The following DOK6 variants were observed in gnomAD, a reference collection of about 807,000 sequenced individuals.
DOK6 encodes docking protein 6.
In DOK6, 22 loss-of-function variants were observed where a neutral mutation model predicts 44.0. The ratio of observed to expected loss-of-function variants is 0.50; its 90% CI spans 0.36 to 0.71. DOK6 has a LOEUF of 0.71. Ranked by LOEUF, DOK6 falls within the 30% of genes least tolerant of loss-of-function variation. DOK6 has a pLI of 0.00. For synonymous variants in DOK6, 166 were observed against 145.5 expected (o/e 1.14, Z -1.01); for missense variants, 340 against 416.4 (o/e 0.82, Z 1.60).
chr18:69,461,108 AG>A (rs776026252), intron 1 of DOK6, among the ~76,000 whole-genome samples: 3 of 152,220 alleles, frequency 2.0e-5, no homozygotes, highest in East Asian at 1.9e-4. Context: ...TTTTAATAGT[AG>A]TAGTGGTATT....
At chr18:69,620,677 A>G (rs1025638244) in intron 3 of DOK6, among the ~76,000 whole-genome samples, 3 of 152,218 alleles carry the variant, frequency 2.0e-5, no homozygotes, top group African/African-American at 7.2e-5. Context: ...TTTGATAAAC[A>G]ATAGTTAATA....
intron 7 of DOK6, among the ~76,000 whole-genome samples, chr18:69,835,357 G>T (rs1025849909): frequency 6.6e-6 from 1 of 152,098 alleles, no homozygotes; most frequent in Non-Finnish European, 1.5e-5. Context: ...CCCAGCTACT[G>T]GGGAGGCTGA....
At chr18:69,419,265 A>G (rs915488052) in intron 1 of DOK6, among the ~76,000 whole-genome samples, 21 of 152,164 alleles carry the variant, frequency 1.4e-4, no homozygotes, top group African/African-American at 5.1e-4. Flanking sequence ...CTGCATTCCC[A>G]TCCAAAACGC....
intron 3 of DOK6, among the ~76,000 whole-genome samples, chr18:69,669,455 A>G (rs1985741001): frequency 6.6e-6 from 1 of 152,248 alleles, no homozygotes; most frequent in South Asian, 2.1e-4. Context: ...ATGGCTGCGC[A>G]GTATTTCATG....
At chr18:69,689,137 G>C (rs1986212662) in intron 4 of DOK6, among the ~76,000 whole-genome samples, 1 of 152,186 alleles carries the variant, frequency 6.6e-6, no homozygotes, top group Non-Finnish European at 1.5e-5. Context: ...ACCTTGTAGA[G>C]AATAAGCAAA....
intron 1 of DOK6, among the ~76,000 whole-genome samples, chr18:69,468,238 A>G (rs1347045748): frequency 6.6e-6 from 1 of 152,194 alleles, no homozygotes; most frequent in Non-Finnish European, 1.5e-5. Context: ...CAGGAAACAA[A>G]TAATGAATAC....
At chr18:69,668,879 A>C (rs770197980) in intron 3 of DOK6, among the ~76,000 whole-genome samples, 30 of 152,326 alleles carry the variant, frequency 2.0e-4, no homozygotes, top group Non-Finnish European at 3.8e-4. Flanking sequence ...GTTTGTAATT[A>C]AAAGTACTTT....
intron 1 of DOK6, among the ~76,000 whole-genome samples, chr18:69,430,891 G>A (rs560977181): frequency 1.2e-3 from 183 of 152,182 alleles, no homozygotes; most frequent in African/African-American, 4.2e-3. Flanking sequence ...ACTTGAACCC[G>A]GGAGACGGAG....
intron 6 of DOK6, among the ~76,000 whole-genome samples, chr18:69,752,595 G>A (rs1275554626): frequency 6.6e-6 from 1 of 152,124 alleles, no homozygotes; most frequent in Non-Finnish European, 1.5e-5. Context: ...GTTCAATGAA[G>A]GAACTTTAAT....
intron 4 of DOK6, among the ~76,000 whole-genome samples, chr18:69,681,092 T>C (rs1196417262): frequency 1.3e-5 from 2 of 152,238 alleles, no homozygotes; most frequent in Non-Finnish European, 2.9e-5. Context: ...TAGTATTAAA[T>C]TATATAGCTG....
chr18:69,445,156 T>G (rs1979249392), intron 1 of DOK6, among the ~76,000 whole-genome samples: 5 of 152,208 alleles, frequency 3.3e-5, no homozygotes, highest in Admixed American at 2.6e-4. Context: ...AACTGATTTT[T>G]TGTGTGTTGA....
chr18:69,440,409 A>C (rs896262315), intron 1 of DOK6, among the ~76,000 whole-genome samples: 2 of 152,212 alleles, frequency 1.3e-5, no homozygotes, highest in Admixed American at 1.3e-4. Flanking sequence ...GTTGTCACAG[A>C]ATTTCAATCT....
chr18:69,690,298 T>C (rs1006726222), intron 4 of DOK6, among the ~76,000 whole-genome samples: 1 of 152,210 alleles, frequency 6.6e-6, no homozygotes, highest in African/African-American at 2.4e-5. Flanking sequence ...TATTGCTATT[T>C]ACACATAATA....
intron 1 of DOK6, among the ~76,000 whole-genome samples, chr18:69,446,490 T>A (rs1246042594): frequency 6.6e-6 from 1 of 152,120 alleles, no homozygotes; most frequent in East Asian, 1.9e-4. Context: ...AAGTCTTTGC[T>A]ATTGTGAGTA....
intron 3 of DOK6, among the ~76,000 whole-genome samples, chr18:69,619,324 G>A (rs1234305509): frequency 1.3e-5 from 2 of 152,206 alleles, no homozygotes; most frequent in African/African-American, 2.4e-5. Flanking sequence ...TGCCAGCAGA[G>A]CAAAATAACC....
intron 5 of DOK6, among the ~76,000 whole-genome samples, chr18:69,734,776 C>A (rs901139363): frequency 1.3e-5 from 2 of 151,730 alleles, no homozygotes; most frequent in African/African-American, 4.9e-5. Flanking sequence ...TATCTATAGA[C>A]CCACAAAAAA....
chr18:69,476,932 A>G (rs1051284535), intron 1 of DOK6, among the ~76,000 whole-genome samples: 4 of 152,210 alleles, frequency 2.6e-5, no homozygotes, highest in East Asian at 3.9e-4. Flanking sequence ...TGGAATTTAT[A>G]GATCCCACGG....
At chr18:69,733,657 A>G (rs1192469534) in intron 5 of DOK6, among the ~76,000 whole-genome samples, 1 of 152,202 alleles carries the variant, frequency 6.6e-6, no homozygotes, top group African/African-American at 2.4e-5. Flanking sequence ...ATTTTGTCCC[A>G]CACATCTTTT....
chr18:69,807,952 C>G (rs991459443), intron 7 of DOK6, among the ~76,000 whole-genome samples: 2 of 151,836 alleles, frequency 1.3e-5, no homozygotes, highest in African/African-American at 4.8e-5. Flanking sequence ...ATGGATCTAA[C>G]AGACATATAC....
Sources: gnomAD v4.1 joint callset for allele counts (sites outside exome capture counted in the v4.1 genomes callset) on GRCh38, gnomAD v4.1.1 for gene constraint, MANE v1.5 for transcripts, NCBI Gene and HGNC (gene_info 2026-07-23, HGNC 2026-07-21) for gene names.